POMT2: variants seen among roughly 807,000 people sequenced by gnomAD.
POMT2 encodes protein O-mannosyl-transferase 2.
A neutral mutation model predicts 100.0 loss-of-function variants in POMT2; 75 were observed. The observed-to-expected ratio is 0.75, with a 90% CI of 0.62 to 0.91. The LOEUF (loss-of-function observed/expected upper bound fraction) is 0.91. Ranked by LOEUF, POMT2 falls within the 40% of genes least tolerant of loss-of-function variation. The pLI, the probability that POMT2 is intolerant of heterozygous loss-of-function variation, is 0.00. For missense variants in POMT2, 940 were observed against 955.1 expected, an observed-to-expected ratio of 0.98 and a Z score of 0.21; for synonymous variants, 378 against 374.1, an observed-to-expected ratio of 1.01 and a Z score of -0.12.
At chr14:77,283,996 G>C in intron 14 of POMT2, 123 bp from the exon 15 acceptor site, 1 of 832,714 alleles carries the variant, frequency 1.2e-6, no homozygotes, top group Admixed American at 1.9e-5. Flanking sequence ...AACTGTTGAG[G>C]AGACAGAAGA....
rs375731249 is a variant in POMT2, at chr14:77,304,714, G to T, written c.525C>A (p.Leu175=). The change falls in exon 4 of 21, where the codon CTC becomes CTA. Residue 175 remains leucine, a synonymous_variant. Transcript: ENST00000261534. ...TACCAAAGGTGAGGAGGGCAGCTGTGAGCAGTGCTGCCGAGAGGGACTTGG... is the reference window on the plus strand; with the variant it reads ...TACCAAAGGTGAGGAGGGCAGCTGTTAGCAGTGCTGCCGAGAGGGACTTGG... The part of the protein sequence containing the change: ...DLSKSLSAAL[L]TAALLTFDTG... 2 of 1,594,082 alleles carry T rather than the reference G, an allele frequency of 1.3e-6. No homozygotes were observed. Among genetic ancestry groups the T allele is most frequent in the East Asian group, 4.5e-5 (2 of 44,412 alleles).
intron 4 of POMT2, among the ~76,000 whole-genome samples, chr14:77,303,450 A>G (rs1185421183): frequency 6.6e-6 from 1 of 152,112 alleles, no homozygotes; most frequent in African/African-American, 2.4e-5. Flanking sequence ...CCTCACTCAA[A>G]GTAAAAAGTT....
rs142996120 is a variant in POMT2, at chr14:77,289,119, A to G, written c.1184-288T>C. ...AAGAAGAAAACTTCTGGCCGGGCAC[A>G]GTGGCTCACGCCTGTAATCCTAGCC... On this transcript the variant is annotated intron_variant, in intron 10 of 20. Coordinates refer to ENST00000261534, the MANE Select transcript of POMT2 (RefSeq NM_013382.7). 0.017 allele frequency among the ~76,000 whole-genome samples: 2,607 copies of G among 151,988 alleles called. 38 individuals carry two copies. The highest frequency in any genetic ancestry group is 0.025 in the Non-Finnish European group (1,711 of 67,996).
At chr14:77,318,308 T>C (rs1356229663) in intron 1 of POMT2, among the ~76,000 whole-genome samples, 1 of 152,080 alleles carries the variant, frequency 6.6e-6, no homozygotes, top group African/African-American at 2.4e-5. Flanking sequence ...ATAAAAACTT[T>C]ATCTAGCAGG....
chr14:77,285,040 C>A lies in POMT2; in HGVS notation c.1486G>T (p.Gly496Cys), dbSNP rs1890370436. 2.5e-6 allele frequency: 4 copies of A among 1,609,122 alleles called. No homozygotes were observed. Among genetic ancestry groups the A allele is most frequent in the Non-Finnish European group, 2.6e-6 (3 of 1,175,642 alleles). ...GSSGKVLPKW[G>C]WEQLEVTCTP... is the part of the protein sequence containing the mutation. ...CAAGTAACTTCCAACTGCTCCCAGC[C>A]CCTGTGAAAAGCAGAAGTCACAGAT... Residue 496 changes from glycine to cysteine, a missense_variant and splice_region_variant, in exon 14 of 21, where the codon GGC (glycine) becomes TGC (cysteine). Transcript: ENST00000261534.
chr14:77,294,674 T>C (rs1370850766), intron 9 of POMT2, among the ~76,000 whole-genome samples: 1 of 152,340 alleles, frequency 6.6e-6, no homozygotes, highest in South Asian at 2.1e-4. Flanking sequence ...CCTGCCGCCA[T>C]CCACATAAAA....
Position 77,320,528 on chromosome 14 carries a change from A to G in POMT2, c.154T>C (p.Phe52Leu). ...AGGGCCCACCAGCCGACCGCCTCGA[A>G]GCGCCGTGAGCCCCAAGCAGGCCGT... ...PKRPAWGSRR[F>L]EAVGWWALLA... Residue 52 changes from phenylalanine to leucine, a missense_variant, in exon 1 of 21, where the codon TTC (phenylalanine) becomes CTC (leucine). Coordinates refer to ENST00000261534, the MANE Select transcript of POMT2 (RefSeq NM_013382.7). The G allele has an allele frequency of 6.4e-7, 1 of 1,557,620 alleles. No individual in the cohort carries two copies. The highest frequency in any genetic ancestry group is 8.6e-7 in the Non-Finnish European group (1 of 1,156,788).
chr14:77,304,563 AT>A (rs1376604464), intron 4 of POMT2, 128 bp downstream of exon 4: 1 of 1,456,644 alleles, frequency 6.9e-7, no homozygotes. Flanking sequence ...TTTGTAGTAC[AT>A]TTTACCCAAT....
At chr14:77,281,211 T>C (rs543815793) in intron 15 of POMT2, among the ~76,000 whole-genome samples, 1 of 152,314 alleles carries the variant, frequency 6.6e-6, no homozygotes, top group African/African-American at 2.4e-5. Context: ...CATGCGTGCC[T>C]AGACTTGGAA....
At chr14:77,283,413 T>A (rs1010155356) in intron 15 of POMT2, among the ~76,000 whole-genome samples, 1 of 152,236 alleles carries the variant, frequency 6.6e-6, no homozygotes, top group Non-Finnish European at 1.5e-5. Flanking sequence ...CCAGCCTGGC[T>A]CTGAGGGCTG....
intron 10 of POMT2, among the ~76,000 whole-genome samples, chr14:77,289,381 ACT>A: frequency 7.1e-6 from 1 of 140,456 alleles, no homozygotes; most frequent in East Asian, 2.1e-4. Context: ...ACAGAGCAAG[ACT>A]CTGTCTCCAA....
At chr14:77,289,704 G>T (rs887954243) in intron 10 of POMT2, among the ~76,000 whole-genome samples, 11 of 152,152 alleles carry the variant, frequency 7.2e-5, no homozygotes, top group Admixed American at 3.3e-4. Flanking sequence ...CGAGTATCTT[G>T]TCTCTGGCAA....
chr14:77,306,962 G>T, intron 2 of POMT2: 1 of 169,470 alleles, frequency 5.9e-6, no homozygotes, highest in South Asian at 1.5e-4. Context: ...GAGGGGAAGA[G>T]AAAAACTGCC....
intron 2 of POMT2, among the ~76,000 whole-genome samples, chr14:77,308,544 CG>C (rs2139509166): frequency 6.6e-6 from 1 of 151,820 alleles, no homozygotes; most frequent in African/African-American, 2.4e-5. Flanking sequence ...TTAGTAGAGA[CG>C]GGGTTTCACC....
At chr14:77,295,631 CAAAA>C (rs35870247) in intron 9 of POMT2, among the ~76,000 whole-genome samples, 1 of 83,256 alleles carries the variant, frequency 1.2e-5, no homozygotes, top group Admixed American at 1.4e-4. Flanking sequence ...GACTCCATCT[CAAAA>C]AAAAAAAAAA....
At chr14:77,292,090 T>C (rs11624859) in intron 9 of POMT2, among the ~76,000 whole-genome samples, 40,204 of 152,048 alleles carry the variant, frequency 0.26, 5,969 homozygotes, top group East Asian at 0.43. Flanking sequence ...ATTCATGCTA[T>C]TATATTTTCT....
chr14:77,279,803 G>A lies in POMT2; in HGVS notation c.1891+20C>T. 6.2e-7 allele frequency: 1 copy of A among 1,607,498 alleles called. No individual in the cohort carries two copies. The highest frequency in any genetic ancestry group is 8.5e-7 in the Non-Finnish European group (1 of 1,177,452). On this transcript the variant is annotated intron_variant, in intron 18 of 20. Transcript: ENST00000261534. Reference sequence around the variant, plus strand: ...CCTGCTGCCGCCAGGTCAGGGGAGGGAGAGCCCAGAGGACCTGACCTGCAA... The same window carrying A: ...CCTGCTGCCGCCAGGTCAGGGGAGGAAGAGCCCAGAGGACCTGACCTGCAA...
intron 18 of POMT2, chr14:77,279,423 C>T (rs1890118332): frequency 4.7e-6 from 2 of 427,924 alleles, no homozygotes; most frequent in Non-Finnish European, 4.6e-6. Flanking sequence ...GAGGACAGGG[C>T]CATGGAACAA....
chr14:77,307,858 C>CTTTTTTT (rs57755259), intron 2 of POMT2, among the ~76,000 whole-genome samples: 10 of 101,224 alleles, frequency 9.9e-5, no homozygotes, highest in Admixed American at 1.1e-4. Flanking sequence ...TTAATTTCTT[C>CTTTTTTT]TTTTTTTTTT....
Sources: gnomAD v4.1 joint callset for allele counts (sites outside exome capture counted in the v4.1 genomes callset) on GRCh38, gnomAD v4.1.1 for gene constraint, MANE v1.5 for transcripts, NCBI Gene and HGNC (gene_info 2026-07-23, HGNC 2026-07-21) for gene names.